Variants in CALCRL observed in about 807,000 individuals in gnomAD.
The protein encoded by CALCRL is calcitonin receptor like receptor, also known as calcitonin gene-related peptide type 1 receptor.
A neutral mutation model predicts 60.4 loss-of-function variants in CALCRL; 27 were observed. The ratio of observed to expected loss-of-function variants is 0.45; its 90% CI spans 0.33 to 0.62. CALCRL has a LOEUF of 0.62. CALCRL is among the 20% of genes least tolerant of loss of function. The probability of loss-of-function intolerance (pLI) is 0.03; values close to 1 mark genes in which losing one functional copy is unlikely to be tolerated. For synonymous variants in CALCRL, 190 were observed against 182.6 expected (o/e 1.04, Z -0.33); for missense variants, 424 against 540.7 (o/e 0.78, Z 2.14).
At chr2:187,425,370 T>C (rs1373049526) in intron 1 of CALCRL, among the ~76,000 whole-genome samples, 2 of 151,938 alleles carry the variant, frequency 1.3e-5, no homozygotes, top group Admixed American at 1.3e-4. Flanking sequence ...GCAATGGACC[T>C]TTCTTAACTT....
chr2:187,359,193 T>A lies in CALCRL; in HGVS notation c.842+19A>T. ...TTTTACATTATTCCAGTAGAAATAA[T>A]AAAAAGAGATTTTCTTACTTGTCAT... On this transcript the variant is annotated intron_variant, in intron 11 of 14. Coordinates refer to ENST00000392370, the MANE Select transcript of CALCRL (RefSeq NM_005795.6). The A allele has an allele frequency of 6.3e-7, 1 of 1,594,062 alleles. No individual in the cohort carries two copies. The highest frequency in any genetic ancestry group is 8.6e-7 in the Non-Finnish European group (1 of 1,166,930).
intron 8 of CALCRL, among the ~76,000 whole-genome samples, chr2:187,367,990 C>A (rs1478089323): frequency 1.3e-5 from 2 of 151,986 alleles, no homozygotes; most frequent in Admixed American, 6.6e-5. Flanking sequence ...ACTTTTGGAA[C>A]AATTTTAGAA....
intron 1 of CALCRL, among the ~76,000 whole-genome samples, chr2:187,394,650 G>A (rs1167944944): frequency 2.0e-5 from 3 of 151,802 alleles, no homozygotes; most frequent in African/African-American, 4.8e-5. Flanking sequence ...AAATTGCTGT[G>A]TAATTTTAAG....
At chr2:187,377,008 G>A (rs180862303) in intron 8 of CALCRL, among the ~76,000 whole-genome samples, 2 of 152,018 alleles carry the variant, frequency 1.3e-5, no homozygotes, top group East Asian at 1.9e-4. Context: ...TAAGTAATTC[G>A]GGAAGATTTC....
In CALCRL at chr2:187,380,783, A is replaced by G; in HGVS notation, c.189T>C (p.Val63=). ...MQDPIQQAEG[V]YCNRTWDGWL... ...ATCCATCCCAGGTTCTGTTGCAGTA[A>G]ACGCCTTAGTGGGGAAATAATAATT... The change falls in exon 6 of 15, where the codon GTT becomes GTC. Residue 63 remains valine (V), a synonymous_variant. Coordinates refer to ENST00000392370, the MANE Select transcript of CALCRL (RefSeq NM_005795.6). 1 of 1,612,326 alleles carries G rather than the reference A, an allele frequency of 6.2e-7. No homozygotes were observed. The highest frequency in any genetic ancestry group is 1.1e-5 in the South Asian group (1 of 90,996).
intron 1 of CALCRL, among the ~76,000 whole-genome samples, chr2:187,445,523 CAA>C (rs995799652): frequency 9.3e-5 from 14 of 151,318 alleles, no homozygotes; most frequent in Non-Finnish European, 1.9e-4. Flanking sequence ...AAGTTACTAT[CAA>C]ACTTTTGCCA....
rs562780504 is a variant in CALCRL at position 187,352,301 on chromosome 2, C to T, written c.941G>A (p.Arg314His). 17 of 1,609,570 alleles carry T rather than the reference C, an allele frequency of 1.1e-5. No homozygotes were observed. The highest frequency in any genetic ancestry group is 3.3e-5 in the South Asian group (3 of 90,848). The change falls in exon 13 of 15, where the codon CGC (arginine) becomes CAC (histidine). Residue 314 changes from arginine (R) to histidine (H), a missense_variant. This residue lies in a region of CALCRL where 222 missense variants were observed against 265.6 expected (regional missense o/e 0.84). Transcript: ENST00000392370. ...VNLFFLLNIV[R>H]VLITKLKVTH... ...AACTTTTAACTTGGTGATGAGAACG[C>T]GTACAATATTTAACAAGAAAAAAAG... is the stretch of plus-strand genomic sequence containing the variant.
chr2:187,366,963 C>CACACACAT (rs1574231818), intron 8 of CALCRL, among the ~76,000 whole-genome samples: 1 of 148,352 alleles, frequency 6.7e-6, no homozygotes, highest in South Asian at 2.1e-4. Flanking sequence ...CACACACACA[C>CACACACAT]GACATCTTAT....
chr2:187,411,339 C>T (rs1689349404), intron 1 of CALCRL, among the ~76,000 whole-genome samples: 1 of 152,078 alleles, frequency 6.6e-6, no homozygotes, highest in Non-Finnish European at 1.5e-5. Context: ...TATGTACTAA[C>T]CATGCTGATA....
intron 8 of CALCRL, among the ~76,000 whole-genome samples, chr2:187,373,491 G>A (rs1314844236): frequency 6.6e-6 from 1 of 151,940 alleles, no homozygotes; most frequent in Non-Finnish European, 1.5e-5. Flanking sequence ...TTTTCTACAT[G>A]AATATTTTCT....
intron 1 of CALCRL, among the ~76,000 whole-genome samples, chr2:187,435,859 T>TGCG (rs1491535458): frequency 2.3e-5 from 2 of 85,544 alleles, no homozygotes; most frequent in African/African-American, 8.2e-5. Flanking sequence ...GGTGTGTGTG[T>TGCG]TTGTGCGTGC....
At chr2:187,423,319 T>A (rs2105877281) in intron 1 of CALCRL, among the ~76,000 whole-genome samples, 1 of 152,076 alleles carries the variant, frequency 6.6e-6, no homozygotes, top group South Asian at 2.1e-4. Context: ...TTGGAATGCC[T>A]TTGAAGTTAA....
intron 1 of CALCRL, among the ~76,000 whole-genome samples, chr2:187,424,445 T>TCTC (rs77376996): frequency 0.33 from 50,326 of 151,578 alleles, 8,605 homozygotes; most frequent in African/African-American, 0.4. Context: ...TCAAATACTT[T>TCTC]ACATAGAAAT....
intron 14 of CALCRL, among the ~76,000 whole-genome samples, chr2:187,347,091 A>T (rs1373965436): frequency 6.6e-6 from 1 of 151,802 alleles, no homozygotes; most frequent in East Asian, 1.9e-4. Context: ...TTTGCAGTTT[A>T]ATGACTTCCT....
At chr2:187,398,327 C>A (rs1177189168) in intron 1 of CALCRL, among the ~76,000 whole-genome samples, 3 of 151,590 alleles carry the variant, frequency 2.0e-5, no homozygotes, top group Non-Finnish European at 4.4e-5. Context: ...TTCCCACCAA[C>A]AATAAAATCA....
At chr2:187,416,192 C>A (rs1250532632) in intron 1 of CALCRL, among the ~76,000 whole-genome samples, 2 of 152,072 alleles carry the variant, frequency 1.3e-5, no homozygotes, top group South Asian at 4.2e-4. Flanking sequence ...TAAATCAAAA[C>A]CTTATGTTGT....
intron 12 of CALCRL, among the ~76,000 whole-genome samples, chr2:187,356,516 G>A (rs570200073): frequency 1.3e-5 from 2 of 152,002 alleles, no homozygotes; most frequent in African/African-American, 4.8e-5. Flanking sequence ...CAAGATGCAT[G>A]AAAGACTTAA....
intron 8 of CALCRL, among the ~76,000 whole-genome samples, chr2:187,375,278 C>CAAA (rs35276351): frequency 0.28 from 32,281 of 114,850 alleles, 4,767 homozygotes; most frequent in Non-Finnish European, 0.32. Context: ...GACTCCGTCT[C>CAAA]AAAAAAAAAA....
intron 9 of CALCRL, among the ~76,000 whole-genome samples, chr2:187,362,124 C>T (rs536913248): frequency 4.1e-4 from 63 of 151,868 alleles, no homozygotes; most frequent in Non-Finnish European, 8.3e-4. Flanking sequence ...GAATTAAGAG[C>T]ATACTGCAGA....
Sources: allele counts gnomAD v4.1 joint callset (sites outside exome capture counted in the v4.1 genomes callset), GRCh38; gene constraint gnomAD v4.1.1; regional missense constraint gnomAD v4.1.1; transcripts MANE v1.5; gene names NCBI Gene and HGNC (gene_info 2026-07-23, HGNC 2026-07-21).